Variants in DLGAP2 observed in about 807,000 individuals in gnomAD.
DLGAP2 encodes disks large-associated protein 2.
A neutral mutation model predicts 100.3 loss-of-function variants in DLGAP2; 26 were observed. The ratio of observed to expected loss-of-function variants is 0.26; its 90% confidence interval spans 0.19 to 0.36. The LOEUF (loss-of-function observed/expected upper bound fraction) is 0.36, where lower values mean the gene tolerates loss of function less well. Among genes scored for constraint, DLGAP2 ranks in the 10% least tolerant of loss-of-function variants. The pLI is 1.00. For synonymous variants in DLGAP2, 886 were observed against 630.1 expected, an observed-to-expected ratio of 1.41 and a Z score of -6.08; for missense variants, 1,858 against 1,453.2, an observed-to-expected ratio of 1.28 and a Z score of -4.53.
intron 1 of DLGAP2, among the ~76,000 whole-genome samples, chr8:843,160 G>C (rs1157125855): frequency 3.3e-5 from 5 of 152,208 alleles, no homozygotes; most frequent in African/African-American, 1.2e-4. Flanking sequence ...CTTAATGTAG[G>C]TGAACTTTGG....
At chr8:1,158,920 G>A (rs1217366581) in intron 2 of DLGAP2, among the ~76,000 whole-genome samples, 2 of 152,236 alleles carry the variant, frequency 1.3e-5, no homozygotes, top group Non-Finnish European at 2.9e-5. Flanking sequence ...AACTGAAAAT[G>A]AGTAAAATCA....
intron 2 of DLGAP2, among the ~76,000 whole-genome samples, chr8:1,201,775 A>C (rs1008964436): frequency 3.3e-5 from 5 of 152,192 alleles, no homozygotes; most frequent in African/African-American, 1.2e-4. Context: ...ATCACCAGGC[A>C]GCATCCGCAG....
At chr8:798,712 G>A (rs546927918) in intron 1 of DLGAP2, among the ~76,000 whole-genome samples, 20 of 131,504 alleles carry the variant, frequency 1.5e-4, no homozygotes, top group African/African-American at 5.6e-4. Context: ...GTGCCCCGGC[G>A]CTGGCCAGGT....
At chr8:807,303 C>T (rs1354544281) in intron 1 of DLGAP2, among the ~76,000 whole-genome samples, 5 of 112,306 alleles carry the variant, frequency 4.5e-5, no homozygotes, top group African/African-American at 1.1e-4. Context: ...GTTCTCTCTC[C>T]TCTTTTTCTT....
In DLGAP2 at chr8:1,450,653, A is replaced by T. The variant is rs542713126; in HGVS notation, c.107-50713A>T. Among the ~76,000 whole-genome samples, 11 of 150,736 alleles carry T rather than the reference A, an allele frequency of 7.3e-5. No homozygotes were observed. The East Asian group carries it at 2.2e-3, about 30-fold the overall frequency. On this transcript the variant is annotated intron_variant, in intron 3 of 14. Transcript: ENST00000637795. ...CTTTGTCTTCCCCCCCATCATTCCC[A>T]CTCTGCAATTATGTGACACTGTGGT...
intron 3 of DLGAP2, among the ~76,000 whole-genome samples, chr8:1,314,302 T>A (rs1356321977): frequency 6.6e-6 from 1 of 152,224 alleles, no homozygotes; most frequent in African/African-American, 2.4e-5. Context: ...AGGTTTTCTT[T>A]GCACCTGGAA....
chr8:1,141,016 C>G (rs1165629215), intron 2 of DLGAP2, among the ~76,000 whole-genome samples: 2 of 152,166 alleles, frequency 1.3e-5, no homozygotes, highest in African/African-American at 4.8e-5. Flanking sequence ...TCTCTGTCTT[C>G]TTCATTGAAG....
chr8:1,025,447 TG>T (rs1386188209), intron 2 of DLGAP2, among the ~76,000 whole-genome samples: 2 of 152,246 alleles, frequency 1.3e-5, no homozygotes, highest in African/African-American at 4.8e-5. Context: ...ATTTTCTGGT[TG>T]GAAAAGATAT....
At chr8:1,634,534 C>G (rs943701785) in intron 8 of DLGAP2, among the ~76,000 whole-genome samples, 5 of 152,198 alleles carry the variant, frequency 3.3e-5, no homozygotes, top group African/African-American at 4.8e-5. Flanking sequence ...TGGTGAAGTC[C>G]TGGGCCAGTT....
rs1563176046 is a variant in DLGAP2 at position 1,483,711 on chromosome 8, ACGT to A, written c.107-17654_107-17652del. Among the ~76,000 whole-genome samples the A allele has an allele frequency of 2.8e-4, 43 of 151,374 alleles. 1 individual carries two copies. The East Asian group carries it at 7.5e-3, about 27-fold the overall frequency. ...TGGGGACCAGGGAGGCAGGTGCAGG[ACGT>A]GGGGACCAGGAAGGCAGGTGCAGAA... On this transcript the variant is annotated intron_variant, in intron 3 of 14. Coordinates refer to ENST00000637795, the MANE Select transcript of DLGAP2 (RefSeq NM_001346810.2).
rs375246528 is a variant in DLGAP2 at position 1,350,828 on chromosome 8, G to C, written c.106+91945G>C. ...CGTGGAAAGGCCATGCGGGTCCTGA[G>C]TGTGCGTGGAAAGGCCGTGCGGGTC... is the stretch of plus-strand genomic sequence containing the variant. On this transcript the variant is annotated intron_variant, in intron 3 of 14. Transcript: ENST00000637795. Among the ~76,000 whole-genome samples the C allele has an allele frequency of 0.012, 298 of 25,166 alleles. 6 individuals are homozygous for C. In the East Asian group the frequency reaches 0.19, roughly 16 times the overall value. 16.5% of individuals were successfully genotyped at this position (25,166 alleles called of 152,430 possible).
intron 2 of DLGAP2, among the ~76,000 whole-genome samples, chr8:1,220,992 C>G (rs929899778): frequency 6.6e-6 from 1 of 152,176 alleles, no homozygotes; most frequent in Non-Finnish European, 1.5e-5. Flanking sequence ...CTATGGGTGT[C>G]TTCACATGTG....
At chr8:778,386 T>C (rs1377397922) in intron 1 of DLGAP2, among the ~76,000 whole-genome samples, 4 of 152,252 alleles carry the variant, frequency 2.6e-5, no homozygotes, top group Non-Finnish European at 4.4e-5. Context: ...CCGTTGCTGG[T>C]GAGGAACTGC....
intron 3 of DLGAP2, among the ~76,000 whole-genome samples, chr8:1,263,072 A>G (rs910476483): frequency 6.6e-6 from 1 of 152,206 alleles, no homozygotes; most frequent in African/African-American, 2.4e-5. Context: ...AATCTAAGAA[A>G]TAAAATCAGC....
intron 1 of DLGAP2, among the ~76,000 whole-genome samples, chr8:774,183 T>C (rs987802795): frequency 2.6e-5 from 4 of 152,174 alleles, no homozygotes; most frequent in Non-Finnish European, 4.4e-5. Flanking sequence ...TCACCTACTT[T>C]TTGATGAGGT....
Position 808,098 on chromosome 8 carries a change from C to T in DLGAP2, c.18+70273C>T, listed in dbSNP as rs117980539. Among the ~76,000 whole-genome samples the T allele has an allele frequency of 8.8e-3, 1,341 of 152,316 alleles. 9 individuals are homozygous for T. The highest frequency in any genetic ancestry group is 0.027 in the Middle Eastern group (8 of 294). On this transcript the variant is annotated intron_variant, in intron 1 of 14. Transcript: ENST00000637795. ...GCTCATCTGTGTCAGCCTTACCTGT[C>T]ATATGGCGGATGTGACACCTGCCTC...
intron 2 of DLGAP2, among the ~76,000 whole-genome samples, chr8:1,193,648 A>G (rs187958291): frequency 3.0e-4 from 46 of 152,156 alleles, no homozygotes; most frequent in African/African-American, 1.0e-3. Flanking sequence ...CTTCCCTGGC[A>G]CGGCTGTTTC....
chr8:1,302,051 T>G (rs1405683353), intron 3 of DLGAP2: 1 of 152,254 alleles, frequency 6.6e-6, no homozygotes, highest in Non-Finnish European at 1.5e-5. Context: ...TTCCAACCTG[T>G]GTGTGCTGGG....
At chr8:1,567,997 C>T (rs907828727) in intron 6 of DLGAP2, among the ~76,000 whole-genome samples, 1 of 152,150 alleles carries the variant, frequency 6.6e-6, no homozygotes, top group Non-Finnish European at 1.5e-5. Flanking sequence ...ATCCACTCTG[C>T]CCGTGGACCC....
Sources: gnomAD v4.1 joint callset for allele counts (sites outside exome capture counted in the v4.1 genomes callset) on GRCh38, gnomAD v4.1.1 for gene constraint, MANE v1.5 for transcripts, NCBI Gene and HGNC (gene_info 2026-07-23, HGNC 2026-07-21) for gene names.